Variants in PHF14 observed in about 807,000 individuals in gnomAD.
PHF14 encodes PHD finger protein 14.
A neutral mutation model predicts 117.9 loss-of-function variants in PHF14; 55 were observed. The observed-to-expected ratio is 0.47, with a 90% CI of 0.38 to 0.58. PHF14 has a LOEUF of 0.58. Ranked by LOEUF, PHF14 falls within the 20% of genes least tolerant of loss-of-function variation. The pLI, the probability that PHF14 is intolerant of heterozygous loss-of-function variation, is 0.00. For missense variants in PHF14, 978 were observed against 1,122.2 expected, an observed-to-expected ratio of 0.87 and a Z score of 1.84; for synonymous variants, 409 against 368.6, an observed-to-expected ratio of 1.11 and a Z score of -1.26.
At chr7:11,020,382 T>C (rs1052922264) in intron 5 of PHF14, among the ~76,000 whole-genome samples, 2 of 151,958 alleles carry the variant, frequency 1.3e-5, no homozygotes, top group Admixed American at 6.6e-5. Context: ...TGGCCAATTT[T>C]TTCTTTTTTT....
chr7:11,157,897 A>G (rs1451322467), intron 17 of PHF14, among the ~76,000 whole-genome samples: 1 of 152,168 alleles, frequency 6.6e-6, no homozygotes, highest in Non-Finnish European at 1.5e-5. Flanking sequence ...AGTACTAGAA[A>G]TCAAATGTAC....
At chr7:11,010,490 T>C (rs1165237158) in intron 4 of PHF14, among the ~76,000 whole-genome samples, 1 of 151,950 alleles carries the variant, frequency 6.6e-6, no homozygotes, top group Non-Finnish European at 1.5e-5. Context: ...TGTGTGCGTA[T>C]ATATGATACA....
intron 17 of PHF14, among the ~76,000 whole-genome samples, chr7:11,122,352 T>TAC (rs747467173): frequency 0.056 from 3,706 of 65,800 alleles, 282 homozygotes; most frequent in African/African-American, 0.12. Context: ...TATATATATA[T>TAC]ACACACACAC....
At chr7:11,015,468 A>G (rs1015813599) in intron 5 of PHF14, among the ~76,000 whole-genome samples, 4 of 152,322 alleles carry the variant, frequency 2.6e-5, no homozygotes, top group Admixed American at 2.0e-4. Flanking sequence ...TCATAGGCAT[A>G]GGCATTACTC....
chr7:11,008,472 G>A (rs1459763295), intron 4 of PHF14, among the ~76,000 whole-genome samples: 3 of 152,028 alleles, frequency 2.0e-5, no homozygotes, highest in Non-Finnish European at 4.4e-5. Flanking sequence ...TGGCAGCATT[G>A]GATTCTCCTG....
intron 16 of PHF14, among the ~76,000 whole-genome samples, chr7:11,074,485 C>G (rs1785752210): frequency 6.6e-6 from 1 of 152,186 alleles, no homozygotes; most frequent in African/African-American, 2.4e-5. Flanking sequence ...GCTGGGATTA[C>G]AGGCATGAGC....
At chr7:11,047,803 GAGGAGGGAGGGC>G (rs1393948988) in intron 13 of PHF14, among the ~76,000 whole-genome samples, 1 of 141,016 alleles carries the variant, frequency 7.1e-6, no homozygotes, top group South Asian at 2.4e-4. Context: ...GACAGAAGAA[GAGGAGGGAGGGC>G]AGGAGGGAGG....
At chr7:11,138,509 A>G (rs941328520) in intron 17 of PHF14, among the ~76,000 whole-genome samples, 2 of 152,264 alleles carry the variant, frequency 1.3e-5, no homozygotes, top group Admixed American at 6.5e-5. Flanking sequence ...CACAATTACC[A>G]TACTACTAAA....
Position 10,997,193 on chromosome 7 carries a change from T to C in PHF14, c.1045+6346T>C, listed in dbSNP as rs140288938. On this transcript the variant is annotated intron_variant, in intron 4 of 17. Coordinates refer to ENST00000634607, the MANE Select transcript of PHF14 (RefSeq NM_001007157.2). ...TTTTATTGATCTCATTTTGTTTCTC[T>C]ATAGTAGAGTTTAATATCCTCAAGC... Among the ~76,000 whole-genome samples, 6 of 152,326 alleles carry C rather than the reference T, an allele frequency of 3.9e-5. No homozygotes were observed. The East Asian group carries it at 1.2e-3, about 29-fold the overall frequency.
At chr7:11,028,289 G>A (rs984731420) in intron 6 of PHF14, among the ~76,000 whole-genome samples, 2 of 152,148 alleles carry the variant, frequency 1.3e-5, no homozygotes, top group Non-Finnish European at 2.9e-5. Flanking sequence ...GGTACTGAAA[G>A]TGTGGATTCT....
intron 16 of PHF14, among the ~76,000 whole-genome samples, chr7:11,089,114 C>T (rs1190406059): frequency 3.3e-5 from 5 of 151,536 alleles, no homozygotes; most frequent in African/African-American, 1.2e-4. Context: ...AAAACCGTAG[C>T]CCTGATCAGT....
chr7:11,107,073 T>G (rs1375974754), intron 16 of PHF14: 1 of 983,610 alleles, frequency 1.0e-6, no homozygotes, highest in African/African-American at 1.7e-5. Flanking sequence ...ATTGTTTCAG[T>G]TAGGTTTTAA....
At chr7:10,979,037 A>G (rs773359088) in intron 2 of PHF14, among the ~76,000 whole-genome samples, 1 of 152,204 alleles carries the variant, frequency 6.6e-6, no homozygotes, top group Non-Finnish European at 1.5e-5. Flanking sequence ...GTTGTACCAG[A>G]TCAATGAACA....
chr7:11,054,965 G>A (rs1023486930), intron 14 of PHF14, among the ~76,000 whole-genome samples: 31 of 151,826 alleles, frequency 2.0e-4, no homozygotes, highest in Middle Eastern at 3.4e-3. Flanking sequence ...CATGACATAC[G>A]TAGGGCAATC....
chr7:11,151,579 C>A (rs562170845), intron 17 of PHF14, among the ~76,000 whole-genome samples: 2 of 152,066 alleles, frequency 1.3e-5, no homozygotes, highest in African/African-American at 4.8e-5. Flanking sequence ...TTTATAACTT[C>A]ATTTTTGTTG....
At chr7:11,088,089 G>T (rs1327253818) in intron 16 of PHF14, among the ~76,000 whole-genome samples, 1 of 152,028 alleles carries the variant, frequency 6.6e-6, no homozygotes, top group Non-Finnish European at 1.5e-5. Context: ...ACCGCTCTCG[G>T]ATATCAAAAT....
At chr7:11,100,197 A>G (rs1787037192) in intron 16 of PHF14, among the ~76,000 whole-genome samples, 1 of 152,118 alleles carries the variant, frequency 6.6e-6, no homozygotes, top group African/African-American at 2.4e-5. Context: ...CATTTGAAAT[A>G]GACATAATAA....
intron 17 of PHF14, among the ~76,000 whole-genome samples, chr7:11,136,169 G>A (rs1479165130): frequency 6.6e-6 from 1 of 152,106 alleles, no homozygotes; most frequent in Non-Finnish European, 1.5e-5. Context: ...TAAGGTCAAT[G>A]TAAGGCTGTA....
At chr7:10,981,230 T>C (rs1460840155) in intron 2 of PHF14, among the ~76,000 whole-genome samples, 2 of 152,206 alleles carry the variant, frequency 1.3e-5, no homozygotes, top group African/African-American at 4.8e-5. Context: ...GGAAACACTT[T>C]ACTTTTTCCA....
Sources: allele counts gnomAD v4.1 joint callset (sites outside exome capture counted in the v4.1 genomes callset), GRCh38; gene constraint gnomAD v4.1.1; transcripts MANE v1.5; gene names NCBI Gene and HGNC (gene_info 2026-07-23, HGNC 2026-07-21).